The following UNC13C variants were observed in gnomAD, a reference collection of about 807,000 sequenced individuals.
UNC13C encodes the protein protein unc-13 homolog C.
A neutral mutation model predicts 245.4 loss-of-function variants in UNC13C; 174 were observed. The ratio of observed to expected loss-of-function variants is 0.71; its 90% CI spans 0.63 to 0.80. The LOEUF is 0.80. UNC13C is among the 30% of genes least tolerant of loss of function. UNC13C has a pLI of 0.00. For missense variants in UNC13C, 2,829 were observed against 2,602.9 expected, an observed-to-expected ratio of 1.09 and a Z score of -1.89; for synonymous variants, 992 against 895.1, an observed-to-expected ratio of 1.11 and a Z score of -1.93.
At chr15:53,910,253 T>G in the UNC13C span, among the ~76,000 whole-genome samples, 1 of 145,832 alleles carries the variant, frequency 6.9e-6, no homozygotes, top group African/African-American at 2.4e-5. Flanking sequence ...TGTTGTCACT[T>G]AACCCCCAGG....
intron 28 of UNC13C, among the ~76,000 whole-genome samples, chr15:54,551,982 C>A (rs941333651): frequency 6.6e-6 from 1 of 150,840 alleles, no homozygotes; most frequent in African/African-American, 2.4e-5. Flanking sequence ...AATTTGAAAG[C>A]AGATATGATG....
chr15:54,251,386 T>A (rs2036149422), intron 8 of UNC13C, among the ~76,000 whole-genome samples: 1 of 152,234 alleles, frequency 6.6e-6, no homozygotes, highest in Non-Finnish European at 1.5e-5. Context: ...CTTAGAGGGT[T>A]ATTGGAAAGG....
rs2141232555 is a variant in UNC13C at position 54,140,754 on chromosome 15, T to C, written c.2984-2264T>C. ...AGTTTATGATGTGAATGAGATATAATGAGTGATGAGATCGCATTTCACATG... is the reference window on the plus strand; with the variant it reads ...AGTTTATGATGTGAATGAGATATAACGAGTGATGAGATCGCATTTCACATG... On this transcript the variant is annotated intron_variant, in intron 2 of 32. Transcript: ENST00000260323. 2.6e-5 allele frequency among the ~76,000 whole-genome samples: 4 copies of C among 152,336 alleles called. 1 individual carries two copies. The South Asian group carries it at 8.3e-4, about 32-fold the overall frequency.
At chr15:54,192,315 ATTG>A (rs1481006948) in intron 4 of UNC13C, among the ~76,000 whole-genome samples, 2 of 151,344 alleles carry the variant, frequency 1.3e-5, no homozygotes, top group Non-Finnish European at 3.0e-5. Context: ...TTAGTTTCCT[ATTG>A]TTGTTGTTGT....
intron 17 of UNC13C, among the ~76,000 whole-genome samples, chr15:54,379,833 GT>G (rs2039682707): frequency 6.6e-6 from 1 of 152,002 alleles, no homozygotes; most frequent in Non-Finnish European, 1.5e-5. Context: ...GGTATTTTTG[GT>G]ATGGGTTTTA....
chr15:53,992,486 A>G (rs1178080510), intron 1 of UNC13C, among the ~76,000 whole-genome samples: 1 of 152,062 alleles, frequency 6.6e-6, no homozygotes, highest in Non-Finnish European at 1.5e-5. Context: ...GCAAGGATGA[A>G]GTGCTAGCCC....
At chr15:54,367,188 C>G (rs558487650) in intron 17 of UNC13C, among the ~76,000 whole-genome samples, 3 of 152,082 alleles carry the variant, frequency 2.0e-5, no homozygotes, top group Admixed American at 6.6e-5. Context: ...TATGCCAACC[C>G]CTACACACTT....
chr15:53,929,356 C>G, the UNC13C span, among the ~76,000 whole-genome samples: 1 of 152,114 alleles, frequency 6.6e-6, no homozygotes, highest in African/African-American at 2.4e-5. Context: ...ACAGCCAAAC[C>G]ATATCATTTT....
chr15:54,368,359 ATCT>A (rs1419010552), intron 17 of UNC13C, among the ~76,000 whole-genome samples: 1 of 151,946 alleles, frequency 6.6e-6, no homozygotes, highest in Non-Finnish European at 1.5e-5. Context: ...AAATTATCAA[ATCT>A]TCTTTCCATA....
At chr15:54,109,134 C>T (rs1295067723) in intron 2 of UNC13C, among the ~76,000 whole-genome samples, 1 of 152,094 alleles carries the variant, frequency 6.6e-6, no homozygotes, top group East Asian at 1.9e-4. Flanking sequence ...AAATGTTTTT[C>T]ATCTGTGCTG....
At chr15:54,429,024 T>G (rs2040813745) in intron 19 of UNC13C, among the ~76,000 whole-genome samples, 1 of 151,790 alleles carries the variant, frequency 6.6e-6, no homozygotes, top group African/African-American at 2.4e-5. Context: ...AATGCTATTC[T>G]TCTCTAGAGT....
chr15:53,856,016 T>C, the UNC13C span, among the ~76,000 whole-genome samples: 1 of 152,324 alleles, frequency 6.6e-6, no homozygotes, highest in East Asian at 1.9e-4. Context: ...GGTTCAGTAT[T>C]GGGAGTGTGT....
chr15:54,137,381 C>T (rs2031792009), intron 2 of UNC13C, among the ~76,000 whole-genome samples: 1 of 152,058 alleles, frequency 6.6e-6, no homozygotes, highest in South Asian at 2.1e-4. Flanking sequence ...AGTATTATCT[C>T]CTCTTCAATT....
At chr15:54,586,781 G>A (rs544874010) in intron 30 of UNC13C, among the ~76,000 whole-genome samples, 1 of 152,334 alleles carries the variant, frequency 6.6e-6, no homozygotes, top group South Asian at 2.1e-4. Context: ...AGTGATGAGT[G>A]AAGGCCCTTG....
intron 26 of UNC13C, among the ~76,000 whole-genome samples, chr15:54,533,325 G>A (rs1293267970): frequency 1.3e-5 from 2 of 152,172 alleles, no homozygotes; most frequent in South Asian, 2.1e-4. Context: ...TAAGGAGGTT[G>A]CTGTTCTGAG....
At chr15:54,553,768 A>G (rs1333305208) in intron 28 of UNC13C, among the ~76,000 whole-genome samples, 1 of 151,678 alleles carries the variant, frequency 6.6e-6, no homozygotes. Flanking sequence ...TTATATTTCT[A>G]GCACCAGCGT....
At chr15:54,087,267 G>A (rs1899298608) in intron 2 of UNC13C, among the ~76,000 whole-genome samples, 1 of 152,024 alleles carries the variant, frequency 6.6e-6, no homozygotes, top group Non-Finnish European at 1.5e-5. Flanking sequence ...GAGAGCCCTT[G>A]GAAATCACTA....
At chr15:53,844,915 T>C in the UNC13C span, among the ~76,000 whole-genome samples, 6 of 152,154 alleles carry the variant, frequency 3.9e-5, no homozygotes, top group African/African-American at 1.4e-4. Flanking sequence ...TCTTTGACTT[T>C]CTCAAGTTCA....
At chr15:54,555,572 A>T in intron 29 of UNC13C, 60 bp downstream of exon 29, 1 of 1,348,784 alleles carries the variant, frequency 7.4e-7, no homozygotes. Flanking sequence ...CTCCAGAGAT[A>T]GGTAGCCCTG....
Sources: allele counts gnomAD v4.1 joint callset (sites outside exome capture counted in the v4.1 genomes callset), GRCh38; gene constraint gnomAD v4.1.1; transcripts MANE v1.5; gene names NCBI Gene and HGNC (gene_info 2026-07-23, HGNC 2026-07-21).